The following MCPH1 variants were observed in gnomAD, a reference collection of about 807,000 sequenced individuals.
MCPH1 encodes the protein microcephalin.
In MCPH1, 104 loss-of-function variants were observed where a neutral mutation model predicts 84.5. That is an observed-to-expected ratio of 1.23 (90% confidence interval 1.05 to 1.45). The LOEUF (loss-of-function observed/expected upper bound fraction) is 1.45. Among genes scored for constraint, MCPH1 ranks in the 40% most tolerant of loss-of-function variants. The probability of loss-of-function intolerance (pLI) is 0.00; values close to 1 mark genes in which losing one functional copy is unlikely to be tolerated. For missense variants in MCPH1, 1,498 were observed against 1,005.7 expected, an observed-to-expected ratio of 1.49 and a Z score of -6.62; for synonymous variants, 514 against 366.8, an observed-to-expected ratio of 1.40 and a Z score of -4.58.
intron 12 of MCPH1, among the ~76,000 whole-genome samples, chr8:6,545,033 T>C (rs1479694744): frequency 1.3e-5 from 2 of 152,194 alleles, no homozygotes; most frequent in African/African-American, 4.8e-5. Context: ...TAGATCGCTG[T>C]CAAATGAATG....
intron 13 of MCPH1, among the ~76,000 whole-genome samples, chr8:6,634,670 T>A (rs1354756506): frequency 6.6e-6 from 1 of 152,238 alleles, no homozygotes; most frequent in Non-Finnish European, 1.5e-5. Flanking sequence ...AAACACTTCG[T>A]ACAGGCCTCT....
chr8:6,628,005 T>C (rs1027030364), intron 13 of MCPH1, among the ~76,000 whole-genome samples: 1 of 152,166 alleles, frequency 6.6e-6, no homozygotes, highest in Middle Eastern at 3.2e-3. Context: ...TTGGAAAGGT[T>C]TGCTCAGAAA....
chr8:6,640,105 C>CGTGT lies in MCPH1; in HGVS notation c.2453-2877_2453-2874dup, dbSNP rs139021455. Among the ~76,000 whole-genome samples, 474 of 133,616 alleles carry CGTGT rather than the reference C, an allele frequency of 3.5e-3. 3 individuals carry two copies. The highest frequency in any genetic ancestry group is 0.013 in the African/African-American group (444 of 34,670). The allele number at this position is 133,616 out of a possible 152,430, so 87.7% of individuals were successfully genotyped here. A position where few individuals can be genotyped will look rare whatever the true frequency, so the allele number is the denominator to read the frequency against. ...GTGTGTGTGTGTGTGTGTGCGCGCG[C>CGTGT]GTGTGTGTGTGTGTGCGTGTGTGTG... On this transcript the variant is annotated intron_variant, in intron 13 of 13. Coordinates refer to ENST00000344683, the MANE Select transcript of MCPH1 (RefSeq NM_024596.5).
intron 9 of MCPH1, among the ~76,000 whole-genome samples, chr8:6,460,159 C>G (rs1051391612): frequency 3.3e-5 from 5 of 151,980 alleles, no homozygotes; most frequent in African/African-American, 1.2e-4. Context: ...GCCTCCATTG[C>G]TGGGAACGCA....
At chr8:6,524,182 AG>A (rs1817912582) in intron 12 of MCPH1, among the ~76,000 whole-genome samples, 1 of 152,226 alleles carries the variant, frequency 6.6e-6, no homozygotes, top group South Asian at 2.1e-4. Context: ...TTTTAAAGGA[AG>A]GGGACCTCAT....
At chr8:6,483,286 A>C (rs1027628427) in intron 11 of MCPH1, among the ~76,000 whole-genome samples, 1 of 152,260 alleles carries the variant, frequency 6.6e-6, no homozygotes, top group African/African-American at 2.4e-5. Context: ...TTCTCATTCA[A>C]AATCTCAGTG....
chr8:6,505,228 T>C (rs1813093409), intron 12 of MCPH1, among the ~76,000 whole-genome samples: 1 of 44,520 alleles, frequency 2.2e-5, no homozygotes, highest in Non-Finnish European at 3.8e-5. Context: ...TATATTCTTA[T>C]GTATATATAG....
At chr8:6,515,150 C>G (rs908353454) in intron 12 of MCPH1, among the ~76,000 whole-genome samples, 11 of 152,108 alleles carry the variant, frequency 7.2e-5, no homozygotes, top group African/African-American at 2.2e-4. Flanking sequence ...CCCCACATCT[C>G]CATCCTGTAG....
intron 12 of MCPH1, among the ~76,000 whole-genome samples, chr8:6,542,410 A>G (rs1416157214): frequency 6.6e-6 from 1 of 152,120 alleles, no homozygotes; most frequent in African/African-American, 2.4e-5. Context: ...TAAGAAATAG[A>G]CATTCCAAAG....
In MCPH1 at chr8:6,472,693, C is replaced by T. The variant is rs568684429; in HGVS notation, c.1936-4901C>T. On this transcript the variant is annotated intron_variant, in intron 9 of 13. Transcript: ENST00000344683. ...ATGGTGTCCAGGCTGGTCTCGAACT[C>T]CTGACCTCAGGTAATCCACCCGCCT... Among the ~76,000 whole-genome samples, 359 of 152,240 alleles carry T rather than the reference C, an allele frequency of 2.4e-3. 4 individuals are homozygous for T. The highest frequency in any genetic ancestry group is 8.4e-3 in the African/African-American group (348 of 41,534).
At chr8:6,562,544 T>C in intron 12 of MCPH1, 2 of 343,290 alleles carry the variant, frequency 5.8e-6, no homozygotes, top group East Asian at 5.0e-5. Context: ...ATCCTCTTCA[T>C]CCTCCTTCTT....
At chr8:6,491,426 C>T (rs1329542533) in intron 11 of MCPH1, among the ~76,000 whole-genome samples, 1 of 143,572 alleles carries the variant, frequency 7.0e-6, no homozygotes, top group Non-Finnish European at 1.5e-5. Flanking sequence ...GACAGAAGGA[C>T]AATTAGCTTT....
chr8:6,499,702 G>T, intron 11 of MCPH1, 150 bp from the exon 12 acceptor site: 1 of 672,526 alleles, frequency 1.5e-6, no homozygotes, highest in Admixed American at 2.4e-5. Context: ...GCAACATGAA[G>T]ATTCTGAAGG....
intron 12 of MCPH1, among the ~76,000 whole-genome samples, chr8:6,608,386 A>G (rs1563182428): frequency 1.3e-5 from 2 of 152,276 alleles, no homozygotes; most frequent in Non-Finnish European, 2.9e-5. Flanking sequence ...AAGGAAGCTC[A>G]TCTTTCACTG....
chr8:6,473,849 T>G (rs1808084718), intron 9 of MCPH1: 3 of 1,447,386 alleles, frequency 2.1e-6, no homozygotes, highest in Non-Finnish European at 1.8e-6. Context: ...AAGTCAAGAG[T>G]TATAATCTTT....
intron 12 of MCPH1, 44 bp from the exon 13 acceptor site, chr8:6,621,410 G>T (rs980451518): frequency 1.1e-5 from 18 of 1,610,288 alleles, no homozygotes; most frequent in Non-Finnish European, 1.4e-5. Context: ...TATGGAGACT[G>T]GAGTGGTCCC....
At chr8:6,622,066 A>G (rs927432858) in intron 13 of MCPH1, 15 of 361,032 alleles carry the variant, frequency 4.2e-5, no homozygotes, top group African/African-American at 2.5e-4. Flanking sequence ...AGTCCCTGGC[A>G]GCGCCCGGCA....
chr8:6,471,722 T>C (rs1807745550), intron 9 of MCPH1, among the ~76,000 whole-genome samples: 1 of 152,178 alleles, frequency 6.6e-6, no homozygotes, highest in Admixed American at 6.5e-5. Flanking sequence ...CCTCTTCCCC[T>C]GGTGGGGTCT....
At chr8:6,468,650 T>G (rs998717883) in intron 9 of MCPH1, among the ~76,000 whole-genome samples, 4 of 149,034 alleles carry the variant, frequency 2.7e-5, no homozygotes, top group South Asian at 4.2e-4. Context: ...TTTTTGGTTT[T>G]TTTTTTTTTT....
Sources: gnomAD v4.1 joint callset for allele counts (sites outside exome capture counted in the v4.1 genomes callset) on GRCh38, gnomAD v4.1.1 for gene constraint, MANE v1.5 for transcripts, NCBI Gene and HGNC (gene_info 2026-07-23, HGNC 2026-07-21) for gene names.